ERICH6B: variants seen among roughly 807,000 people sequenced by gnomAD.
ERICH6B encodes the protein glutamate rich 6B.
ERICH6B carries 69 observed loss-of-function variants against 80.0 expected under a neutral mutation model. The observed-to-expected ratio is 0.86, with a 90% CI of 0.71 to 1.05. The LOEUF (loss-of-function observed/expected upper bound fraction) is 1.05. ERICH6B is among the 50% of genes least tolerant of loss of function. ERICH6B has a pLI of 0.00. For synonymous variants in ERICH6B, 283 were observed against 291.9 expected (o/e 0.97, Z 0.31); for missense variants, 754 against 796.1 (o/e 0.95, Z 0.64).
intron 14 of ERICH6B, among the ~76,000 whole-genome samples, chr13:45,543,017 T>C (rs1873843892): frequency 6.6e-6 from 1 of 152,102 alleles, no homozygotes; most frequent in Non-Finnish European, 1.5e-5. Context: ...TCAGCCCACT[T>C]CTCCATCTGC....
At chr13:45,583,820 G>A (rs752348873) in intron 5 of ERICH6B, among the ~76,000 whole-genome samples, 4 of 152,142 alleles carry the variant, frequency 2.6e-5, no homozygotes, top group African/African-American at 4.8e-5. Flanking sequence ...CCCCAGCCAC[G>A]TGGAACTGTG....
chr13:45,561,581 GA>G, intron 10 of ERICH6B, 55 bp from the exon 11 acceptor site: 1 of 1,534,526 alleles, frequency 6.5e-7, no homozygotes, highest in Admixed American at 2.0e-5. Context: ...AAAGAGAAAG[GA>G]AACTTAGATC....
At chr13:45,576,223 A>C (rs545538963) in intron 7 of ERICH6B, among the ~76,000 whole-genome samples, 1 of 152,228 alleles carries the variant, frequency 6.6e-6, no homozygotes, top group South Asian at 2.1e-4. Context: ...GGGCCTCTCT[A>C]CTTGCAAACC....
chr13:45,546,776 C>T (rs1384858859), intron 13 of ERICH6B, among the ~76,000 whole-genome samples: 3 of 152,106 alleles, frequency 2.0e-5, no homozygotes, highest in African/African-American at 4.8e-5. Flanking sequence ...GAACCTTTCA[C>T]GGAACACAGG....
At position 45,587,031 on chromosome 13, in the gene ERICH6B, G is replaced by T. The variant is rs1379334308; in HGVS notation, c.856+32C>A. On this transcript the variant is annotated intron_variant, in intron 5 of 14. Coordinates refer to ENST00000298738, the MANE Select transcript of ERICH6B (RefSeq NM_182542.3). ...CTCCCCTGGCCCACAGAGCCCGGCT[G>T]CGCCTCACCGACAGAGCGCAGCTTC... The T allele has an allele frequency of 3.2e-6, 5 of 1,542,650 alleles. No individual in the cohort carries two copies. The South Asian group carries it at 4.8e-5, about 15-fold the overall frequency.
At chr13:45,583,908 T>C (rs1453739956) in intron 5 of ERICH6B, among the ~76,000 whole-genome samples, 1 of 152,202 alleles carries the variant, frequency 6.6e-6, no homozygotes. Flanking sequence ...AACAGACTAA[T>C]ACACCATCTG....
chr13:45,558,965 T>G (rs1387304648), intron 11 of ERICH6B, among the ~76,000 whole-genome samples: 1 of 152,220 alleles, frequency 6.6e-6, no homozygotes, highest in African/African-American at 2.4e-5. Flanking sequence ...TAAGGGAGGA[T>G]TCCCTCTTTG....
chr13:45,601,712 G>T (rs1220045248), intron 2 of ERICH6B, among the ~76,000 whole-genome samples: 1 of 152,116 alleles, frequency 6.6e-6, no homozygotes, highest in African/African-American at 2.4e-5. Flanking sequence ...TCATTTCAAA[G>T]ATCAGAAAAA....
chr13:45,596,209 G>GTGCTT (rs2138021278), intron 3 of ERICH6B, among the ~76,000 whole-genome samples, 160 bp downstream of exon 3: 1 of 152,232 alleles, frequency 6.6e-6, no homozygotes, highest in South Asian at 2.1e-4. Flanking sequence ...TGTCAGGTTT[G>GTGCTT]TGCTTTTTTC....
At chr13:45,599,136 C>T (rs1949809202) in intron 2 of ERICH6B, among the ~76,000 whole-genome samples, 2 of 152,200 alleles carry the variant, frequency 1.3e-5, no homozygotes, top group African/African-American at 4.8e-5. Context: ...CTTGTGATAG[C>T]TTCACCAAAT....
chr13:45,589,111 G>A (rs1424356449), intron 4 of ERICH6B, among the ~76,000 whole-genome samples: 3 of 152,198 alleles, frequency 2.0e-5, no homozygotes, highest in South Asian at 2.1e-4. Flanking sequence ...ACGTGCATGT[G>A]TGAATGTAAC....
intron 13 of ERICH6B, among the ~76,000 whole-genome samples, chr13:45,549,149 C>T (rs780454568): frequency 5.9e-5 from 9 of 151,854 alleles, no homozygotes; most frequent in Non-Finnish European, 7.4e-5. Flanking sequence ...CTGGGCTTGG[C>T]GGTGCATGCC....
At chr13:45,576,727 A>T (rs1035914179) in intron 7 of ERICH6B, among the ~76,000 whole-genome samples, 16 of 152,098 alleles carry the variant, frequency 1.1e-4, no homozygotes, top group Admixed American at 8.5e-4. Context: ...TTTTTTTTGA[A>T]TAATGCATAA....
chr13:45,568,185 C>T (rs1875000896), intron 9 of ERICH6B, 130 bp downstream of exon 9: 5 of 1,060,442 alleles, frequency 4.7e-6, no homozygotes, highest in East Asian at 2.8e-5. Flanking sequence ...GTTCCTGCTC[C>T]TTGACTCAGG....
At chr13:45,598,498 T>C (rs1167339145) in intron 2 of ERICH6B, among the ~76,000 whole-genome samples, 1 of 152,152 alleles carries the variant, frequency 6.6e-6, no homozygotes, top group Non-Finnish European at 1.5e-5. Flanking sequence ...CCTGCCTCTT[T>C]CTGGCTGTCT....
At chr13:45,566,348 T>C (rs900284403) in intron 9 of ERICH6B, among the ~76,000 whole-genome samples, 5 of 152,272 alleles carry the variant, frequency 3.3e-5, no homozygotes, top group African/African-American at 1.2e-4. Flanking sequence ...AGGAGCTGAA[T>C]GTTAATCCCC....
At chr13:45,544,326 C>T (rs1197168175) in intron 14 of ERICH6B, among the ~76,000 whole-genome samples, 2 of 152,154 alleles carry the variant, frequency 1.3e-5, no homozygotes, top group East Asian at 1.9e-4. Flanking sequence ...CCACCTGCTT[C>T]GGCCCCTCAA....
chr13:45,608,400 C>G (rs1949881746), intron 1 of ERICH6B, among the ~76,000 whole-genome samples: 1 of 152,126 alleles, frequency 6.6e-6, no homozygotes, highest in Admixed American at 6.5e-5. Context: ...CACACACTTT[C>G]CTGCTTTTTA....
intron 14 of ERICH6B, among the ~76,000 whole-genome samples, chr13:45,542,472 G>C (rs143357234): frequency 9.7e-4 from 148 of 152,292 alleles, no homozygotes; most frequent in Non-Finnish European, 1.5e-3. Flanking sequence ...AGTTACACTG[G>C]TGCTGATTTG....
Sources: allele counts gnomAD v4.1 joint callset (sites outside exome capture counted in the v4.1 genomes callset), GRCh38; gene constraint gnomAD v4.1.1; transcripts MANE v1.5; gene names NCBI Gene and HGNC (gene_info 2026-07-23, HGNC 2026-07-21).